LRRC49: variants seen among roughly 807,000 people sequenced by gnomAD.
LRRC49 encodes leucine rich repeat containing 49.
Under a neutral mutation model 83.3 loss-of-function variants are expected in LRRC49, and 50 were observed. The observed-to-expected ratio is 0.60, with a 90% CI of 0.48 to 0.76. The LOEUF (loss-of-function observed/expected upper bound fraction) is 0.76. Among genes scored for constraint, LRRC49 ranks in the 30% least tolerant of loss-of-function variants. LRRC49 has a pLI of 0.00. For missense variants in LRRC49, 704 were observed against 809.1 expected, an observed-to-expected ratio of 0.87 and a Z score of 1.58; for synonymous variants, 286 against 283.3, an observed-to-expected ratio of 1.01 and a Z score of -0.10.
intron 8 of LRRC49, among the ~76,000 whole-genome samples, chr15:70,953,068 G>C (rs539511860): frequency 1.6e-4 from 24 of 152,208 alleles, no homozygotes; most frequent in East Asian, 5.8e-4. Context: ...CAGTTGGTTT[G>C]TGCTTCTTTA....
Position 70,978,227 on chromosome 15 carries a change from T to C in LRRC49, c.922-1874T>C, listed in dbSNP as rs192609560. Among the ~76,000 whole-genome samples the C allele has an allele frequency of 3.0e-4, 45 of 152,240 alleles. 1 individual carries two copies. The highest frequency in any genetic ancestry group is 1.0e-3 in the African/African-American group (43 of 41,576). ...TTCAGTGAATTAAAACAACAAAGTT[T>C]ATTTCAGGCTTCTAATACCTGTCTG... is the stretch of plus-strand genomic sequence containing the variant. On this transcript the variant is annotated intron_variant, in intron 9 of 15. Coordinates refer to ENST00000260382, the MANE Select transcript of LRRC49 (RefSeq NM_017691.5).
chr15:70,855,257 C>T (rs1384334512), intron 1 of LRRC49, among the ~76,000 whole-genome samples: 1 of 151,416 alleles, frequency 6.6e-6, no homozygotes, highest in Non-Finnish European at 1.5e-5. Flanking sequence ...ATCACTTGAA[C>T]CTGGGAAGCA....
intron 11 of LRRC49, among the ~76,000 whole-genome samples, chr15:71,005,920 G>A (rs1162454861): frequency 6.6e-6 from 1 of 152,122 alleles, no homozygotes; most frequent in Non-Finnish European, 1.5e-5. Context: ...TTTTAATGGA[G>A]CTCAGAACAC....
intron 8 of LRRC49, among the ~76,000 whole-genome samples, chr15:70,953,550 G>T (rs751975789): frequency 2.0e-5 from 3 of 152,138 alleles, no homozygotes; most frequent in Non-Finnish European, 4.4e-5. Context: ...ATGCTTTTAA[G>T]ATTTTTTCTT....
intron 14 of LRRC49, among the ~76,000 whole-genome samples, chr15:71,034,780 G>A (rs1414201279): frequency 1.3e-5 from 2 of 152,178 alleles, no homozygotes; most frequent in African/African-American, 2.4e-5. Context: ...AGCCTCAGCG[G>A]ACTAACACAG....
intron 5 of LRRC49, among the ~76,000 whole-genome samples, chr15:70,910,158 G>A (rs1291936811): frequency 1.3e-5 from 2 of 152,190 alleles, no homozygotes; most frequent in East Asian, 3.9e-4. Flanking sequence ...TGATAAGGGA[G>A]TGAAGAAGAT....
chr15:70,866,114 G>GTATTTATTTATTTATT (rs71880311), intron 1 of LRRC49, among the ~76,000 whole-genome samples: 4 of 142,076 alleles, frequency 2.8e-5, no homozygotes, highest in African/African-American at 5.2e-5. Context: ...TACATGTAAA[G>GTATTTATTTATTTATT]TATTTATTTA....
At chr15:71,020,945 T>A (rs2038974487) in intron 14 of LRRC49, among the ~76,000 whole-genome samples, 1 of 152,144 alleles carries the variant, frequency 6.6e-6, no homozygotes, top group South Asian at 2.1e-4. Context: ...CCATATAAAT[T>A]AGGAGTATCC....
At chr15:71,002,311 A>AT (rs905127852) in intron 11 of LRRC49, among the ~76,000 whole-genome samples, 3 of 148,250 alleles carry the variant, frequency 2.0e-5, no homozygotes. Context: ...CCTTTGGCTT[A>AT]TGGGGGGGGC....
chr15:70,973,452 C>G (rs1194082870), intron 9 of LRRC49, among the ~76,000 whole-genome samples: 1 of 152,204 alleles, frequency 6.6e-6, no homozygotes, highest in East Asian at 1.9e-4. Context: ...CATCAGAAGG[C>G]AGGGGGGTCA....
At chr15:71,012,760 G>A (rs751818587) in intron 13 of LRRC49, 44 bp from the exon 14 acceptor site, 3 of 1,035,724 alleles carry the variant, frequency 2.9e-6, no homozygotes, top group Admixed American at 3.8e-5. Context: ...ATTCAGCTAA[G>A]AGTTGGTGTC....
At chr15:70,944,356 C>T (rs563372186) in intron 8 of LRRC49, among the ~76,000 whole-genome samples, 1 of 152,116 alleles carries the variant, frequency 6.6e-6, no homozygotes, top group Non-Finnish European at 1.5e-5. Flanking sequence ...ATTTTTGATA[C>T]CCTTTGAAAT....
chr15:70,860,394 TCAAA>T (rs945480080), intron 1 of LRRC49, among the ~76,000 whole-genome samples: 7 of 152,094 alleles, frequency 4.6e-5, no homozygotes, highest in South Asian at 2.1e-4. Context: ...CTACCAACTG[TCAAA>T]CAAACAAACA....
chr15:70,861,101 A>G (rs569012325), intron 1 of LRRC49, among the ~76,000 whole-genome samples: 1 of 152,322 alleles, frequency 6.6e-6, no homozygotes, highest in African/African-American at 2.4e-5. Flanking sequence ...CACTTTGTCT[A>G]ATAGACTGTA....
chr15:70,869,652 C>G (rs11853574), intron 1 of LRRC49, among the ~76,000 whole-genome samples: 83,045 of 152,044 alleles, frequency 0.55, 23,480 homozygotes, highest in Admixed American at 0.69. Context: ...CAGGAGCTGA[C>G]CAGCACACAC....
intron 1 of LRRC49, chr15:70,860,087 A>G: frequency 1.4e-6 from 1 of 724,546 alleles, no homozygotes. Flanking sequence ...CGGCTCCACC[A>G]GGGCTGTGGT....
chr15:70,882,598 A>C, intron 2 of LRRC49: 1 of 1,614,034 alleles, frequency 6.2e-7, no homozygotes, highest in Non-Finnish European at 8.5e-7. Context: ...CCTCTGTCTG[A>C]GTAGTTGCAT....
At chr15:70,936,582 G>GA in intron 7 of LRRC49, 179 bp from the exon 8 acceptor site, 1 of 557,184 alleles carries the variant, frequency 1.8e-6, no homozygotes, top group Non-Finnish European at 3.2e-6. Flanking sequence ...CGGATGTACT[G>GA]AAACCCTCCC....
In LRRC49 at chr15:70,977,538, G is replaced by A. The variant is rs770452851; in HGVS notation, c.922-2563G>A. Among the ~76,000 whole-genome samples, 41 of 152,208 alleles carry A rather than the reference G, an allele frequency of 2.7e-4. 1 individual carries two copies. The Middle Eastern group carries it at 0.014, about 51-fold the overall frequency. ...CACATGCCTGTAATCCCAGCTTCTT[G>A]GGAGGCTAAGACATGAGAATTGCTT... On this transcript the variant is annotated intron_variant, in intron 9 of 15. Coordinates refer to ENST00000260382, the MANE Select transcript of LRRC49 (RefSeq NM_017691.5).
Sources: gnomAD v4.1 joint callset for allele counts (sites outside exome capture counted in the v4.1 genomes callset) on GRCh38, gnomAD v4.1.1 for gene constraint, MANE v1.5 for transcripts, NCBI Gene and HGNC (gene_info 2026-07-23, HGNC 2026-07-21) for gene names.